ASB18: variants seen among roughly 807,000 people sequenced by gnomAD.
ASB18 encodes ankyrin repeat and SOCS box containing 18.
In ASB18, 33 loss-of-function variants were observed where a neutral mutation model predicts 33.4. The observed-to-expected ratio is 0.99, with a 90% CI of 0.75 to 1.32. The LOEUF is 1.32. ASB18 is among the 40% of genes most tolerant of loss of function. The pLI, the probability that ASB18 is intolerant of heterozygous loss-of-function variation, is 0.00. For missense variants in ASB18, 694 were observed against 655.5 expected (o/e 1.06, Z -0.64); for synonymous variants, 295 against 307.6 (o/e 0.96, Z 0.43).
At position 236,237,110 on chromosome 2, in the gene ASB18, T is replaced by G. The variant is rs1361368025; in HGVS notation, c.596+579A>C. On this transcript the variant is annotated intron_variant, in intron 3 of 5. Transcript: ENST00000409749. The surrounding 1 kb of genome is among the most constrained non-coding windows in gnomAD (Gnocchi z 6.2). ...TCCCTAGAGGCCGGCACAGCTCCGC[T>G]TCCGAGCGGGCCTGGAAGCCCCGCC... Among the ~76,000 whole-genome samples, 2 of 151,870 alleles carry G rather than the reference T, an allele frequency of 1.3e-5. No individual in the cohort carries two copies. Among genetic ancestry groups the G allele is most frequent in the African/African-American group, 2.4e-5 (1 of 41,498 alleles).
chr2:236,226,158 G>A lies in ASB18; in HGVS notation c.597-11292C>T, dbSNP rs1164434008. ...CATGGTCAAAACCTCAGGCCCTTTCGACATCTATTAACTTTTTATCCTTCA... is the reference window on the plus strand; with the variant it reads ...CATGGTCAAAACCTCAGGCCCTTTCAACATCTATTAACTTTTTATCCTTCA... On this transcript the variant is annotated intron_variant, in intron 3 of 5. Coordinates refer to ENST00000409749, the MANE Select transcript of ASB18 (RefSeq NM_212556.4). This position sits in a 1 kb window ranked among gnomAD's most constrained non-coding sequence, Gnocchi z 4.8. Among the ~76,000 whole-genome samples, 3 of 152,114 alleles carry A rather than the reference G, an allele frequency of 2.0e-5. No homozygotes were observed. The highest frequency in any genetic ancestry group is 2.4e-5 in the African/African-American group (1 of 41,414).
rs1347371153 is a variant in ASB18 at position 236,249,694 on chromosome 2, T to G, written c.206-8292A>C. 6.6e-6 allele frequency: 1 copy of G among 152,194 alleles called. No individual in the cohort carries two copies. Among genetic ancestry groups the G allele is most frequent in the Non-Finnish European group, 1.5e-5 (1 of 68,046 alleles). 9.4% of individuals were successfully genotyped at this position (152,194 alleles called of 1,614,324 possible). On this transcript the variant is annotated intron_variant, in intron 1 of 5. Coordinates refer to ENST00000409749, the MANE Select transcript of ASB18 (RefSeq NM_212556.4). The surrounding 1 kb of genome is among the most constrained non-coding windows in gnomAD (Gnocchi z 4.6). Reference sequence around the variant, plus strand: ...ACTTATTTGACAGAGGAAGCTTATTTGTGTGGGTGGACCGTGGCAGAATAC... The same window carrying G: ...ACTTATTTGACAGAGGAAGCTTATTGGTGTGGGTGGACCGTGGCAGAATAC...
chr2:236,233,087 C>T lies in ASB18; in HGVS notation c.596+4602G>A, dbSNP rs1047033683. ...CCCAATAATATATAAAAAAGGATAACTCCTCATGATCAAGTGTGGTTTATC... is the reference window on the plus strand; with the variant it reads ...CCCAATAATATATAAAAAAGGATAATTCCTCATGATCAAGTGTGGTTTATC... On this transcript the variant is annotated intron_variant, in intron 3 of 5. Coordinates refer to ENST00000409749, the MANE Select transcript of ASB18 (RefSeq NM_212556.4). Among the ~76,000 whole-genome samples the T allele has an allele frequency of 9.2e-5, 14 of 152,176 alleles. 1 individual carries two copies. Among genetic ancestry groups the T allele is most frequent in the Admixed American group, 7.2e-4 (11 of 15,294 alleles).
rs936506642 is a variant in ASB18, at chr2:236,217,000, C to T, written c.597-2134G>A. ...GCTGCACGTGATGGCCCACACAGTC[C>T]CATCTTTCCTTCCTCTTGGAAGCCT... is the stretch of plus-strand genomic sequence containing the variant. On this transcript the variant is annotated intron_variant, in intron 3 of 5. Coordinates refer to ENST00000409749, the MANE Select transcript of ASB18 (RefSeq NM_212556.4). This position sits in a 1 kb window ranked among gnomAD's most constrained non-coding sequence, Gnocchi z 6.1. Among the ~76,000 whole-genome samples, 2 of 152,194 alleles carry T rather than the reference C, an allele frequency of 1.3e-5. No individual in the cohort carries two copies. Among genetic ancestry groups the T allele is most frequent in the African/African-American group, 4.8e-5 (2 of 41,466 alleles).
intron 1 of ASB18, among the ~76,000 whole-genome samples, chr2:236,243,571 CA>C (rs2060631817): frequency 6.6e-6 from 1 of 152,050 alleles, no homozygotes. Context: ...CTCCATAGGA[CA>C]GATGCGGGGT....
chr2:236,193,643 A>G lies in ASB18; in HGVS notation c.*1229T>C, dbSNP rs1309759580. Among the ~76,000 whole-genome samples, 1 of 152,176 alleles carries G rather than the reference A, an allele frequency of 6.6e-6. No homozygotes were observed. Among genetic ancestry groups the G allele is most frequent in the Non-Finnish European group, 1.5e-5 (1 of 68,042 alleles). On this transcript the variant is annotated 3_prime_UTR_variant, in exon 6 of 6. Transcript: ENST00000409749. The surrounding 1 kb of genome is among the most constrained non-coding windows in gnomAD (Gnocchi z 5.0). ...GAAACCCCGTCTCTACTAAAAATAA[A>G]AAATTAGCCGGGCGTGCTGGCACAT...
At chr2:236,207,411 C>A (rs2060439830) in intron 4 of ASB18, among the ~76,000 whole-genome samples, 1 of 152,258 alleles carries the variant, frequency 6.6e-6, no homozygotes, top group Non-Finnish European at 1.5e-5. Flanking sequence ...TCTTCTTGTA[C>A]TCCATAGAGG....
rs1576401105 is a variant in ASB18 at position 236,221,747 on chromosome 2, C to A, written c.597-6881G>T. 6.6e-6 allele frequency among the ~76,000 whole-genome samples: 1 copy of A among 152,286 alleles called. No homozygotes were observed. The highest frequency in any genetic ancestry group is 1.9e-4 in the East Asian group (1 of 5,184). ...GCAATCCTGAGCTCCCTCTCCTGTTCTCCTTATGTGACTGCTCCTGGAATC... is the reference window on the plus strand; with the variant it reads ...GCAATCCTGAGCTCCCTCTCCTGTTATCCTTATGTGACTGCTCCTGGAATC... On this transcript the variant is annotated intron_variant, in intron 3 of 5. Transcript: ENST00000409749. This position sits in a 1 kb window ranked among gnomAD's most constrained non-coding sequence, Gnocchi z 5.6.
chr2:236,231,101 G>A lies in ASB18; in HGVS notation c.596+6588C>T, dbSNP rs1466044444. 6.6e-6 allele frequency among the ~76,000 whole-genome samples: 1 copy of A among 152,062 alleles called. No homozygotes were observed. Among genetic ancestry groups the A allele is most frequent in the East Asian group, 1.9e-4 (1 of 5,178 alleles). Reference sequence around the variant, plus strand: ...CTCTTCTCTCCTCTCCTTGAGCGTGGGCAGAACCTTTGATTTGCCGCTAAC... The same window carrying A: ...CTCTTCTCTCCTCTCCTTGAGCGTGAGCAGAACCTTTGATTTGCCGCTAAC... On this transcript the variant is annotated intron_variant, in intron 3 of 5. Transcript: ENST00000409749. The surrounding 1 kb of genome is among the most constrained non-coding windows in gnomAD (Gnocchi z 5.5).
chr2:236,196,055 A>G lies in ASB18; in HGVS notation c.1215+217T>C. 1 of 573,048 alleles carries G rather than the reference A, an allele frequency of 1.7e-6. No individual in the cohort carries two copies. Among genetic ancestry groups the G allele is most frequent in the Non-Finnish European group, 3.2e-6 (1 of 309,834 alleles). 35.5% of individuals were successfully genotyped at this position (573,048 alleles called of 1,614,324 possible). ...CCAGCACGGGGCTCTGAGCTCCTTG[A>G]GGCCATGGCACCGCAACTACTATAA... is the stretch of plus-strand genomic sequence containing the variant. On this transcript the variant is annotated intron_variant, in intron 5 of 5. Coordinates refer to ENST00000409749, the MANE Select transcript of ASB18 (RefSeq NM_212556.4). The surrounding 1 kb of genome is among the most constrained non-coding windows in gnomAD (Gnocchi z 5.6).
chr2:236,235,125 A>T lies in ASB18; in HGVS notation c.596+2564T>A, dbSNP rs2060582326. On this transcript the variant is annotated intron_variant, in intron 3 of 5. Coordinates refer to ENST00000409749, the MANE Select transcript of ASB18 (RefSeq NM_212556.4). This position sits in a 1 kb window ranked among gnomAD's most constrained non-coding sequence, Gnocchi z 6.2. ...AACCAACCCAATTTTAAAAATGGGC[A>T]AAAGATTTGAACTGACACTTTACCA... Among the ~76,000 whole-genome samples the T allele has an allele frequency of 1.3e-5, 2 of 152,342 alleles. No homozygotes were observed. Among genetic ancestry groups the T allele is most frequent in the African/African-American group, 2.4e-5 (1 of 41,578 alleles).
At chr2:236,243,123 G>C (rs2060629292) in intron 1 of ASB18, among the ~76,000 whole-genome samples, 1 of 150,316 alleles carries the variant, frequency 6.7e-6, no homozygotes, top group African/African-American at 2.4e-5. Context: ...GAGGTCAGGA[G>C]ATCGAGATCA....
Position 236,256,417 on chromosome 2 carries a change from A to G in ASB18, c.205+7724T>C, listed in dbSNP as rs2060692314. On this transcript the variant is annotated intron_variant, in intron 1 of 5. Transcript: ENST00000409749. The surrounding 1 kb of genome is among the most constrained non-coding windows in gnomAD (Gnocchi z 4.7). ...CCAATATCCAGGTGCAGAGGTTGGC[A>G]TTAAAAGATAGTGGGGCATTGGATG... is the stretch of plus-strand genomic sequence containing the variant. Among the ~76,000 whole-genome samples, 1 of 152,196 alleles carries G rather than the reference A, an allele frequency of 6.6e-6. No individual in the cohort carries two copies. The highest frequency in any genetic ancestry group is 1.5e-5 in the Non-Finnish European group (1 of 68,042).
At position 236,242,973 on chromosome 2, in the gene ASB18, A is replaced by G. The variant is rs2060628120; in HGVS notation, c.206-1571T>C. On this transcript the variant is annotated intron_variant, in intron 1 of 5. Transcript: ENST00000409749. ...GAGGTCAAGACTATAAGGAGCCATG[A>G]TTGTGCCACTGTACTCCAGCCTGGG... Among the ~76,000 whole-genome samples, 4 of 132,250 alleles carry G rather than the reference A, an allele frequency of 3.0e-5. No individual in the cohort carries two copies. The Admixed American group carries it at 3.4e-4, about 11-fold the overall frequency. 86.8% of individuals were successfully genotyped at this position (132,250 alleles called of 152,430 possible). A position where few individuals can be genotyped will look rare whatever the true frequency, so the allele number is the denominator to read the frequency against.
intron 4 of ASB18, among the ~76,000 whole-genome samples, chr2:236,202,814 T>TATATATATATATACACACACAC (rs1472095135): frequency 1.3e-4 from 17 of 126,592 alleles, no homozygotes; most frequent in Admixed American, 6.3e-4. Context: ...TATATATATA[T>TATATATATATATACACACACAC]ACACACACCT....
At chr2:236,240,972 G>C (rs2060618541) in intron 2 of ASB18, among the ~76,000 whole-genome samples, 1 of 152,130 alleles carries the variant, frequency 6.6e-6, no homozygotes, top group Admixed American at 6.5e-5. Flanking sequence ...CCACCTCCCT[G>C]GCTGCCAGAT....
At position 236,262,188 on chromosome 2, in the gene ASB18, T is replaced by A. The variant is rs188245366; in HGVS notation, c.205+1953A>T. ...AAAGAAAGGATATTTAGGTTCAGGA[T>A]TCCCAATACACAAATCTTCAACCGG... On this transcript the variant is annotated intron_variant, in intron 1 of 5. Coordinates refer to ENST00000409749, the MANE Select transcript of ASB18 (RefSeq NM_212556.4). The surrounding 1 kb of genome is among the most constrained non-coding windows in gnomAD (Gnocchi z 5.2). 7.9e-5 allele frequency among the ~76,000 whole-genome samples: 12 copies of A among 152,376 alleles called. No homozygotes were observed. In the East Asian group the frequency reaches 2.3e-3, roughly 29 times the overall value.
chr2:236,198,553 A>C (rs917744768), intron 4 of ASB18, among the ~76,000 whole-genome samples: 8 of 152,046 alleles, frequency 5.3e-5, no homozygotes, highest in Admixed American at 4.6e-4. Flanking sequence ...TTTTTATTAG[A>C]GACAGAGTTT....
At position 236,204,041 on chromosome 2, in the gene ASB18, G is replaced by A. The variant is rs1403375268; in HGVS notation, c.1102-7656C>T. ...TCACCTCAGGTGGTGGCAGTCAGGA[G>A]GGTAGGAGATTTTGAGATATATTTA... is the stretch of plus-strand genomic sequence containing the variant. On this transcript the variant is annotated intron_variant, in intron 4 of 5. Transcript: ENST00000409749. The surrounding 1 kb of genome is among the most constrained non-coding windows in gnomAD (Gnocchi z 5.1). 6.6e-6 allele frequency among the ~76,000 whole-genome samples: 1 copy of A among 152,200 alleles called. No individual in the cohort carries two copies. Among genetic ancestry groups the A allele is most frequent in the African/African-American group, 2.4e-5 (1 of 41,450 alleles).
Sources: allele counts gnomAD v4.1 joint callset (sites outside exome capture counted in the v4.1 genomes callset), GRCh38; gene constraint gnomAD v4.1.1; non-coding constraint Gnocchi (gnomAD v3.1); transcripts MANE v1.5; gene names NCBI Gene and HGNC (gene_info 2026-07-23, HGNC 2026-07-21).